The following NAV3 variants were observed in gnomAD, a reference collection of about 807,000 sequenced individuals.
NAV3 encodes neuron navigator 3.
A neutral mutation model predicts 244.7 loss-of-function variants in NAV3; 87 were observed. The observed-to-expected ratio is 0.36, with a 90% CI of 0.30 to 0.42. The LOEUF (loss-of-function observed/expected upper bound fraction) is 0.42, where lower values mean the gene tolerates loss of function less well. Ranked by LOEUF, NAV3 falls within the 20% of genes least tolerant of loss-of-function variation. The pLI, the probability that NAV3 is intolerant of heterozygous loss-of-function variation, is 1.00. For missense variants in NAV3, 2,663 were observed against 2,893.3 expected (o/e 0.92, Z 1.83); for synonymous variants, 1,126 against 1,042.2 (o/e 1.08, Z -1.55).
intron 2 of NAV3, among the ~76,000 whole-genome samples, chr12:77,716,748 T>C (rs190946041): frequency 2.9e-4 from 44 of 152,124 alleles, no homozygotes; most frequent in African/African-American, 9.6e-4. Context: ...AATTTCAGCC[T>C]AAATCATACC....
intron 2 of NAV3, among the ~76,000 whole-genome samples, chr12:77,818,274 C>A (rs958992656): frequency 1.3e-5 from 2 of 151,980 alleles, no homozygotes; most frequent in East Asian, 3.8e-4. Context: ...GTTGAGAGTG[C>A]AAATATACCA....
rs1462359204 is a variant in NAV3, at chr12:78,046,241, C to G, written c.2024-3752C>G. Among the ~76,000 whole-genome samples, 5 of 152,116 alleles carry G rather than the reference C, an allele frequency of 3.3e-5. No homozygotes were observed. In the East Asian group the frequency reaches 7.7e-4, roughly 23 times the overall value. On this transcript the variant is annotated intron_variant, in intron 9 of 39. Transcript: ENST00000397909. ...TGTCTCTATCTCCTTCAGTTCTGCT[C>G]TGATCTTAGTTATTTCTTGCCTTCT... is the stretch of plus-strand genomic sequence containing the variant.
chr12:78,100,358 T>G (rs956733887), intron 12 of NAV3, among the ~76,000 whole-genome samples: 1 of 151,856 alleles, frequency 6.6e-6, no homozygotes, highest in Non-Finnish European at 1.5e-5. Flanking sequence ...ATGGATTTTT[T>G]CCCCCACACT....
At chr12:77,801,093 A>G (rs908717296) in intron 2 of NAV3, among the ~76,000 whole-genome samples, 1 of 152,262 alleles carries the variant, frequency 6.6e-6, no homozygotes, top group Middle Eastern at 3.4e-3. Context: ...GACCTCAGGT[A>G]CAATACTTAA....
At chr12:77,944,841 G>A (rs2137541437) in intron 3 of NAV3, among the ~76,000 whole-genome samples, 1 of 152,212 alleles carries the variant, frequency 6.6e-6, no homozygotes, top group Non-Finnish European at 1.5e-5. Context: ...TAATCCTTAG[G>A]GAAGATGCAG....
intron 2 of NAV3, among the ~76,000 whole-genome samples, chr12:77,645,045 A>G (rs1325037277): frequency 6.6e-6 from 1 of 152,134 alleles, no homozygotes; most frequent in East Asian, 1.9e-4. Context: ...ACAGCTTAAA[A>G]AAAGGGAAAG....
chr12:77,660,929 C>G (rs1186819947), intron 2 of NAV3, among the ~76,000 whole-genome samples: 1 of 152,092 alleles, frequency 6.6e-6, no homozygotes, highest in African/African-American at 2.4e-5. Context: ...TAGTTCATTT[C>G]TTTTTATTGC....
At chr12:77,597,514 A>G (rs370884758) in intron 2 of NAV3, among the ~76,000 whole-genome samples, 1 of 152,118 alleles carries the variant, frequency 6.6e-6, no homozygotes, top group Admixed American at 6.6e-5. Flanking sequence ...TTTTGCTAGC[A>G]TATTAAGTAT....
chr12:77,833,989 C>T (rs1007092135), intron 1 of NAV3, among the ~76,000 whole-genome samples: 3 of 151,382 alleles, frequency 2.0e-5, no homozygotes, highest in African/African-American at 7.4e-5. Context: ...TTATGTGTTC[C>T]TTTCGACGTC....
At chr12:77,976,082 T>C (rs550809735) in intron 5 of NAV3, among the ~76,000 whole-genome samples, 1 of 152,270 alleles carries the variant, frequency 6.6e-6, no homozygotes, top group East Asian at 1.9e-4. Flanking sequence ...ACGTTATCGA[T>C]ATAGTATTAG....
chr12:77,631,627 C>T, intron 2 of NAV3, among the ~76,000 whole-genome samples: 1 of 152,164 alleles, frequency 6.6e-6, no homozygotes, highest in East Asian at 1.9e-4. Flanking sequence ...CCAGTTTCCC[C>T]TTCTGTGGGA....
intron 9 of NAV3, among the ~76,000 whole-genome samples, chr12:78,025,806 C>T (rs1159664633): frequency 6.6e-6 from 1 of 152,016 alleles, no homozygotes; most frequent in East Asian, 1.9e-4. Flanking sequence ...TTTATGCTCT[C>T]ACCATATGAT....
At chr12:78,082,194 C>T (rs1953391129) in intron 12 of NAV3, among the ~76,000 whole-genome samples, 1 of 152,150 alleles carries the variant, frequency 6.6e-6, no homozygotes, top group African/African-American at 2.4e-5. Flanking sequence ...TGTGAGGCCT[C>T]CCCAGCCATG....
chr12:77,709,547 A>G (rs1412284344), intron 2 of NAV3, among the ~76,000 whole-genome samples: 1 of 152,222 alleles, frequency 6.6e-6, no homozygotes, highest in Non-Finnish European at 1.5e-5. Context: ...TTCTAGATAT[A>G]TGAAGGAATC....
chr12:77,645,760 G>A (rs77924811), intron 2 of NAV3, among the ~76,000 whole-genome samples: 1,755 of 152,054 alleles, frequency 0.012, 30 homozygotes, highest in African/African-American at 0.041. Flanking sequence ...TTTGCAAGAC[G>A]GAAGCTCCAT....
intron 12 of NAV3, among the ~76,000 whole-genome samples, chr12:78,067,900 A>G (rs946061712): frequency 2.6e-5 from 4 of 152,062 alleles, no homozygotes; most frequent in South Asian, 2.1e-4. Context: ...TCTGCTTATA[A>G]TAGAATTTAC....
chr12:77,676,442 A>G (rs1019755018), intron 2 of NAV3, among the ~76,000 whole-genome samples: 1 of 152,178 alleles, frequency 6.6e-6, no homozygotes, highest in South Asian at 2.1e-4. Flanking sequence ...CATGTCTTAT[A>G]GTGGTTTTTA....
chr12:77,695,159 T>C (rs1226746366), intron 2 of NAV3, among the ~76,000 whole-genome samples: 1 of 152,200 alleles, frequency 6.6e-6, no homozygotes, highest in African/African-American at 2.4e-5. Context: ...TTAACTAATA[T>C]GATCCCATTT....
chr12:77,785,580 G>A (rs1410850940), intron 2 of NAV3, among the ~76,000 whole-genome samples: 1 of 152,152 alleles, frequency 6.6e-6, no homozygotes, highest in Non-Finnish European at 1.5e-5. Context: ...TTAGGGATAG[G>A]TTCAAGGAGA....
Sources: allele counts gnomAD v4.1 joint callset (sites outside exome capture counted in the v4.1 genomes callset), GRCh38; gene constraint gnomAD v4.1.1; transcripts MANE v1.5; gene names NCBI Gene and HGNC (gene_info 2026-07-23, HGNC 2026-07-21).